Variants in CCSER1 observed in about 807,000 individuals in gnomAD.
The protein encoded by CCSER1 is serine-rich coiled-coil domain-containing protein 1.
Under a neutral mutation model 82.0 loss-of-function variants are expected in CCSER1, and 41 were observed. The observed-to-expected ratio is 0.50, with a 90% CI of 0.39 to 0.65. The LOEUF (loss-of-function observed/expected upper bound fraction) is 0.65. Among genes scored for constraint, CCSER1 ranks in the 30% least tolerant of loss-of-function variants. CCSER1 has a pLI of 0.00. For synonymous variants in CCSER1, 414 were observed against 383.9 expected, an observed-to-expected ratio of 1.08 and a Z score of -0.92; for missense variants, 1,119 against 1,064.2, an observed-to-expected ratio of 1.05 and a Z score of -0.72.
chr4:91,310,399 CAA>C (rs112210328), intron 10 of CCSER1, among the ~76,000 whole-genome samples: 2 of 140,254 alleles, frequency 1.4e-5, no homozygotes, highest in Admixed American at 7.2e-5. Context: ...AAAACCAATG[CAA>C]AAAAAAAAAA....
At chr4:90,167,139 A>ATTT (rs1470004526) in intron 1 of CCSER1, among the ~76,000 whole-genome samples, 1 of 152,082 alleles carries the variant, frequency 6.6e-6, no homozygotes, top group African/African-American at 2.4e-5. Context: ...TTCTATGTTA[A>ATTT]AGTACTTAAA....
chr4:91,593,036 TTGA>T (rs201070437), intron 10 of CCSER1, among the ~76,000 whole-genome samples: 4,261 of 152,190 alleles, frequency 0.028, no homozygotes, highest in African/African-American at 0.095. Context: ...TAATCAGTGA[TTGA>T]AGTATTTCTC....
chr4:90,866,848 G>A (rs1314356067), intron 8 of CCSER1, among the ~76,000 whole-genome samples: 1 of 151,932 alleles, frequency 6.6e-6, no homozygotes, highest in Non-Finnish European at 1.5e-5. Flanking sequence ...CTCATAAGGA[G>A]CCTGCAACCT....
At chr4:90,519,144 AAT>A (rs1458095983) in intron 5 of CCSER1, among the ~76,000 whole-genome samples, 3 of 151,802 alleles carry the variant, frequency 2.0e-5, no homozygotes, top group Non-Finnish European at 4.4e-5. Flanking sequence ...TAACTTCTAA[AAT>A]CTCCATTCAT....
At chr4:90,302,320 G>A (rs1733305271) in intron 1 of CCSER1, among the ~76,000 whole-genome samples, 1 of 152,160 alleles carries the variant, frequency 6.6e-6, no homozygotes, top group Admixed American at 6.6e-5. Flanking sequence ...ATGTAAAGGA[G>A]GAGTACCAGG....
At chr4:91,242,763 C>T (rs1393162480) in intron 10 of CCSER1, among the ~76,000 whole-genome samples, 2 of 152,002 alleles carry the variant, frequency 1.3e-5, no homozygotes, top group Admixed American at 6.6e-5. Flanking sequence ...CACTTATATC[C>T]AAACTACATA....
At chr4:90,536,173 T>C (rs1194534119) in intron 5 of CCSER1, among the ~76,000 whole-genome samples, 3 of 151,676 alleles carry the variant, frequency 2.0e-5, no homozygotes, top group South Asian at 2.1e-4. Flanking sequence ...GCTGGGATTA[T>C]AGGTGCCCGC....
At chr4:90,601,643 T>C (rs1474007548) in intron 5 of CCSER1, among the ~76,000 whole-genome samples, 2 of 149,490 alleles carry the variant, frequency 1.3e-5, no homozygotes, top group Non-Finnish European at 3.0e-5. Flanking sequence ...CTGGATGGCT[T>C]TTTTTTTTTT....
chr4:91,075,268 T>C (rs1055437697), intron 9 of CCSER1, among the ~76,000 whole-genome samples: 3 of 151,934 alleles, frequency 2.0e-5, no homozygotes, highest in African/African-American at 7.3e-5. Flanking sequence ...TGCTTTAGGG[T>C]AATTTTTTTC....
chr4:91,429,626 TA>T (rs1361173117), intron 10 of CCSER1, among the ~76,000 whole-genome samples: 1 of 151,920 alleles, frequency 6.6e-6, no homozygotes, highest in African/African-American at 2.4e-5. Flanking sequence ...TCTTAATTAC[TA>T]GGTTTTTGTT....
intron 10 of CCSER1, among the ~76,000 whole-genome samples, chr4:91,345,935 G>A (rs1209065688): frequency 6.6e-6 from 1 of 151,976 alleles, no homozygotes; most frequent in East Asian, 1.9e-4. Flanking sequence ...GAAATCATAA[G>A]AGTATATATA....
chr4:90,716,757 G>A (rs949414831), intron 6 of CCSER1, among the ~76,000 whole-genome samples: 8 of 148,196 alleles, frequency 5.4e-5, no homozygotes, highest in Non-Finnish European at 9.1e-5. Context: ...GTTTGTATAC[G>A]TACACTCTGT....
At chr4:90,424,859 T>G (rs1757311542) in intron 4 of CCSER1, among the ~76,000 whole-genome samples, 2 of 152,240 alleles carry the variant, frequency 1.3e-5, no homozygotes, top group Admixed American at 6.5e-5. Context: ...TGTTTTTGCT[T>G]CATATTTATT....
At chr4:91,177,958 A>G (rs539830633) in intron 10 of CCSER1, among the ~76,000 whole-genome samples, 1 of 152,186 alleles carries the variant, frequency 6.6e-6, no homozygotes, top group East Asian at 1.9e-4. Flanking sequence ...AGTGCTATAA[A>G]TTTCCCTCTA....
At chr4:90,631,478 C>A (rs542593167) in intron 6 of CCSER1, among the ~76,000 whole-genome samples, 33 of 152,244 alleles carry the variant, frequency 2.2e-4, no homozygotes, top group Admixed American at 2.1e-3. Context: ...ACATCTTCTA[C>A]AAATAGCATT....
intron 10 of CCSER1, among the ~76,000 whole-genome samples, chr4:91,159,197 T>A (rs1731122794): frequency 6.6e-6 from 1 of 152,108 alleles, no homozygotes; most frequent in Non-Finnish European, 1.5e-5. Flanking sequence ...ATAGTTTTCA[T>A]ACTTTGGATA....
intron 4 of CCSER1, among the ~76,000 whole-genome samples, chr4:90,458,492 A>G (rs1762468628): frequency 6.6e-6 from 1 of 152,042 alleles, no homozygotes; most frequent in Admixed American, 6.5e-5. Context: ...AATTGGGACT[A>G]CAGACATGTG....
chr4:90,890,431 C>A (rs1011120454), intron 8 of CCSER1, among the ~76,000 whole-genome samples: 1 of 152,134 alleles, frequency 6.6e-6, no homozygotes, highest in Non-Finnish European at 1.5e-5. Flanking sequence ...TGCACATGTG[C>A]TCCAGGTGAA....
At chr4:90,203,451 G>C (rs532313617) in intron 1 of CCSER1, among the ~76,000 whole-genome samples, 16 of 152,238 alleles carry the variant, frequency 1.1e-4, no homozygotes, top group African/African-American at 3.9e-4. Context: ...GCAATGTTTA[G>C]TTTTCTGTTC....
Sources: gnomAD v4.1 joint callset for allele counts (sites outside exome capture counted in the v4.1 genomes callset) on GRCh38, gnomAD v4.1.1 for gene constraint, MANE v1.5 for transcripts, NCBI Gene and HGNC (gene_info 2026-07-23, HGNC 2026-07-21) for gene names.